ERBB4: variants seen among roughly 807,000 people sequenced by gnomAD.
ERBB4 encodes receptor tyrosine-protein kinase erbB-4.
ERBB4 carries 42 observed loss-of-function variants against 158.0 expected under a neutral mutation model. The ratio of observed to expected loss-of-function variants is 0.27; its 90% CI spans 0.21 to 0.34. The LOEUF (loss-of-function observed/expected upper bound fraction) is 0.34, where lower values mean the gene tolerates loss of function less well. Ranked by LOEUF, ERBB4 falls within the 10% of genes least tolerant of loss-of-function variation. The pLI is 1.00. For missense variants in ERBB4, 1,333 were observed against 1,624.1 expected (o/e 0.82, Z 3.08); for synonymous variants, 583 against 558.7 (o/e 1.04, Z -0.61).
intron 20 of ERBB4, among the ~76,000 whole-genome samples, chr2:211,464,383 C>T (rs112051845): frequency 1.3e-5 from 2 of 152,114 alleles, no homozygotes; most frequent in African/African-American, 4.8e-5. Context: ...CCACATCAGC[C>T]CTTTTGTCAG....
chr2:212,392,722 C>T (rs2090913932), intron 1 of ERBB4, among the ~76,000 whole-genome samples: 1 of 152,040 alleles, frequency 6.6e-6, no homozygotes, highest in South Asian at 2.1e-4. Flanking sequence ...TTTTTCTGTG[C>T]ACATCTTTTT....
intron 3 of ERBB4, among the ~76,000 whole-genome samples, chr2:211,877,899 G>C (rs1348125253): frequency 6.6e-6 from 1 of 152,156 alleles, no homozygotes; most frequent in Admixed American, 6.5e-5. Flanking sequence ...CCTGAGGTCA[G>C]GTGTTTGAGA....
rs557209400 is a variant in ERBB4 at position 212,255,344 on chromosome 2, A to C, written c.83-130441T>G. Among the ~76,000 whole-genome samples, 3 of 152,172 alleles carry C rather than the reference A, an allele frequency of 2.0e-5. No homozygotes were observed. In the East Asian group the frequency reaches 5.8e-4, roughly 29 times the overall value. On this transcript the variant is annotated intron_variant, in intron 1 of 27. Coordinates refer to ENST00000342788, the MANE Select transcript of ERBB4 (RefSeq NM_005235.3). ...TTTTTAAAGTGGCTAATTCAGCAAA[A>C]TTTCATTTTCTAACTAATGTAACTC...
At chr2:211,645,088 C>A (rs1233512663) in intron 16 of ERBB4, among the ~76,000 whole-genome samples, 3 of 146,012 alleles carry the variant, frequency 2.1e-5, no homozygotes, top group Non-Finnish European at 3.0e-5. Flanking sequence ...ATTGGGATCA[C>A]TAAGTAAGTA....
intron 19 of ERBB4, among the ~76,000 whole-genome samples, chr2:211,588,682 G>GT (rs1225598344): frequency 1.3e-5 from 2 of 152,106 alleles, no homozygotes; most frequent in African/African-American, 4.8e-5. Flanking sequence ...CACTTAGCTA[G>GT]TAAGTAGTGG....
At chr2:212,261,635 T>C (rs2084948087) in intron 1 of ERBB4, among the ~76,000 whole-genome samples, 1 of 152,146 alleles carries the variant, frequency 6.6e-6, no homozygotes, top group South Asian at 2.1e-4. Context: ...CATATGATGA[T>C]AATTCATGAG....
At chr2:211,489,408 TAAC>T (rs1375110747) in intron 20 of ERBB4, among the ~76,000 whole-genome samples, 2 of 151,956 alleles carry the variant, frequency 1.3e-5, no homozygotes, top group Non-Finnish European at 2.9e-5. Flanking sequence ...AAATTTGGGA[TAAC>T]AATAATACCA....
rs182005735 is a variant in ERBB4, at chr2:212,091,630, G to A, written c.234+33122C>T. Among the ~76,000 whole-genome samples the A allele has an allele frequency of 5.9e-5, 9 of 151,864 alleles. No individual in the cohort carries two copies. The East Asian group carries it at 1.7e-3, about 29-fold the overall frequency. On this transcript the variant is annotated intron_variant, in intron 2 of 27. Coordinates refer to ENST00000342788, the MANE Select transcript of ERBB4 (RefSeq NM_005235.3). ...GGAACAAAGGGCTTAAAGAAATATT[G>A]GACAAAAAATTGGCTAAAGTTCCCA...
intron 1 of ERBB4, among the ~76,000 whole-genome samples, chr2:212,162,166 C>T (rs2081219563): frequency 6.6e-6 from 1 of 151,650 alleles, no homozygotes; most frequent in Admixed American, 6.6e-5. Flanking sequence ...TAAATAACAG[C>T]CTAGGTATAA....
At chr2:211,574,643 A>G (rs1225743800) in intron 19 of ERBB4, among the ~76,000 whole-genome samples, 1 of 152,232 alleles carries the variant, frequency 6.6e-6, no homozygotes, top group East Asian at 1.9e-4. Context: ...GGATACTGTA[A>G]TGTGCTATAA....
chr2:212,095,946 G>GAAAAAAAAA (rs35084866), intron 2 of ERBB4, among the ~76,000 whole-genome samples: 2 of 130,126 alleles, frequency 1.5e-5, no homozygotes, highest in African/African-American at 2.9e-5. Flanking sequence ...AAAAAAAAAA[G>GAAAAAAAAA]AAAAAAAAAA....
intron 3 of ERBB4, among the ~76,000 whole-genome samples, chr2:211,896,910 G>T (rs1486050025): frequency 6.6e-6 from 1 of 151,858 alleles, no homozygotes; most frequent in Non-Finnish European, 1.5e-5. Context: ...GTTAACAAGA[G>T]AATACTTAGT....
chr2:212,442,825 C>T (rs1447266281), intron 1 of ERBB4, among the ~76,000 whole-genome samples: 1 of 152,142 alleles, frequency 6.6e-6, no homozygotes, highest in African/African-American at 2.4e-5. Flanking sequence ...AAGACAATAT[C>T]ACATCCCTGG....
intron 20 of ERBB4, among the ~76,000 whole-genome samples, chr2:211,560,271 T>TA (rs1459562215): frequency 8.0e-6 from 1 of 125,000 alleles, no homozygotes; most frequent in African/African-American, 3.5e-5. Flanking sequence ...GCTTTTTTTT[T>TA]TTTTTTTTTT....
At chr2:212,158,712 C>T (rs541033331) in intron 1 of ERBB4, among the ~76,000 whole-genome samples, 52 of 151,952 alleles carry the variant, frequency 3.4e-4, no homozygotes, top group African/African-American at 1.2e-3. Flanking sequence ...GTGTCCACCA[C>T]GAGCTAGCCC....
intron 1 of ERBB4, among the ~76,000 whole-genome samples, chr2:212,178,730 T>C (rs1171948942): frequency 6.6e-6 from 1 of 151,734 alleles, no homozygotes; most frequent in South Asian, 2.1e-4. Flanking sequence ...TCAAGATTGA[T>C]AGTCAGAGAT....
At chr2:212,378,964 AGTT>A (rs2090417269) in intron 1 of ERBB4, among the ~76,000 whole-genome samples, 1 of 151,816 alleles carries the variant, frequency 6.6e-6, no homozygotes, top group African/African-American at 2.4e-5. Context: ...TATGGCACCC[AGTT>A]GTTTTTTCTT....
At chr2:212,144,996 TA>T (rs1559589237) in intron 1 of ERBB4, among the ~76,000 whole-genome samples, 1 of 152,110 alleles carries the variant, frequency 6.6e-6, no homozygotes, top group South Asian at 2.1e-4. Flanking sequence ...TTGGGGGAAC[TA>T]AAAAAAGCTT....
chr2:212,399,004 C>T (rs569379696), intron 1 of ERBB4, among the ~76,000 whole-genome samples: 5 of 152,096 alleles, frequency 3.3e-5, no homozygotes, highest in East Asian at 3.9e-4. Flanking sequence ...AGTGCAGTGG[C>T]GTGATCTTGG....
Sources: allele counts gnomAD v4.1 joint callset (sites outside exome capture counted in the v4.1 genomes callset), GRCh38; gene constraint gnomAD v4.1.1; transcripts MANE v1.5; gene names NCBI Gene and HGNC (gene_info 2026-07-23, HGNC 2026-07-21).